PCDHGB7: variants seen among roughly 807,000 people sequenced by gnomAD.
PCDHGB7 encodes the protein protocadherin gamma-B7.
In PCDHGB7, 37 loss-of-function variants were observed where a neutral mutation model predicts 61.4. The observed-to-expected ratio is 0.60, with a 90% CI of 0.46 to 0.79. PCDHGB7 has a LOEUF of 0.79. PCDHGB7 is among the 30% of genes least tolerant of loss of function. PCDHGB7 has a pLI of 0.00. For synonymous variants in PCDHGB7, 464 were observed against 503.5 expected (o/e 0.92, Z 1.05); for missense variants, 1,166 against 1,202.5 (o/e 0.97, Z 0.45).
Position 141,485,060 on chromosome 5 carries a change from G to T in PCDHGB7, c.2416-9747G>T. The T allele has an allele frequency of 1.2e-6, 1 of 862,304 alleles. No individual in the cohort carries two copies. 53.4% of individuals were successfully genotyped at this position (862,304 alleles called of 1,614,324 possible). ...ACCCTTGCGGCGCCGGCCGAACCGC[G>T]CCAGAGCTGGCGCGGGGAAAGGGAG... On this transcript the variant is annotated intron_variant, in intron 1 of 3. Coordinates refer to ENST00000398594, the MANE Select transcript of PCDHGB7 (RefSeq NM_018927.4). The surrounding 1 kb of genome is among the most constrained non-coding windows in gnomAD (Gnocchi z 5.7).
Position 141,486,000 on chromosome 5 carries a change from A to G in PCDHGB7, c.2416-8807A>G. 1 of 1,614,194 alleles carries G rather than the reference A, an allele frequency of 6.2e-7. No individual in the cohort carries two copies. Among genetic ancestry groups the G allele is most frequent in the Non-Finnish European group, 8.5e-7 (1 of 1,180,034 alleles). On this transcript the variant is annotated intron_variant, in intron 1 of 3. Transcript: ENST00000398594. The surrounding 1 kb of genome is among the most constrained non-coding windows in gnomAD (Gnocchi z 5.7). ...GACCCGGACCTGGGTCCCAGTGGTA[A>G]CGTCACCTTTTATTTCAGTGGTCAT...
chr5:141,441,891 G>A, intron 1 of PCDHGB7: 1 of 348,040 alleles, frequency 2.9e-6, no homozygotes, highest in East Asian at 9.1e-5. Flanking sequence ...TCACCAAGGT[G>A]GTGGCTGTAG....
At chr5:141,495,437 C>T (rs2099761356) in intron 2 of PCDHGB7, among the ~76,000 whole-genome samples, 1 of 152,178 alleles carries the variant, frequency 6.6e-6, no homozygotes, top group East Asian at 1.9e-4. Flanking sequence ...GTCCTCTGCC[C>T]CTACTTGTCC....
At chr5:141,421,473 C>G (rs907282414) in intron 1 of PCDHGB7, 14 of 1,614,112 alleles carry the variant, frequency 8.7e-6, no homozygotes, top group African/African-American at 1.3e-5. Flanking sequence ...ATCCGCGAAG[C>G]GGCAGCTTGA....
At chr5:141,472,980 C>CAA (rs60579131) in intron 1 of PCDHGB7, among the ~76,000 whole-genome samples, 188 of 86,094 alleles carry the variant, frequency 2.2e-3, no homozygotes, top group Non-Finnish European at 3.2e-3. Flanking sequence ...GAGTGAAACT[C>CAA]AAAAAAAAAA....
intron 3 of PCDHGB7, among the ~76,000 whole-genome samples, chr5:141,509,056 G>A (rs1303823294): frequency 1.3e-5 from 2 of 152,178 alleles, no homozygotes; most frequent in Admixed American, 6.5e-5. Context: ...CCCCCAGAAA[G>A]CTCTCAGCTC....
intron 1 of PCDHGB7, among the ~76,000 whole-genome samples, chr5:141,443,787 A>C (rs957552086): frequency 3.3e-5 from 5 of 152,222 alleles, no homozygotes; most frequent in African/African-American, 1.2e-4. Flanking sequence ...AAGACAAAAA[A>C]AATGAAAAGG....
chr5:141,451,582 T>C (rs1361047985), intron 1 of PCDHGB7, among the ~76,000 whole-genome samples: 1 of 152,012 alleles, frequency 6.6e-6, no homozygotes, highest in Non-Finnish European at 1.5e-5. Flanking sequence ...TAAACCTAAT[T>C]TTGAAAGTGA....
rs762910422 is a variant in PCDHGB7, at chr5:141,485,747, C to T, written c.2416-9060C>T. ...GAAGCGCAGCGACGGCAGCCTGGTCCCAGAGCTGCTCCTGGAGAAGCCTTT... is the reference window on the plus strand; with the variant it reads ...GAAGCGCAGCGACGGCAGCCTGGTCTCAGAGCTGCTCCTGGAGAAGCCTTT... On this transcript the variant is annotated intron_variant, in intron 1 of 3. Coordinates refer to ENST00000398594, the MANE Select transcript of PCDHGB7 (RefSeq NM_018927.4). This position sits in a 1 kb window ranked among gnomAD's most constrained non-coding sequence, Gnocchi z 5.7. 1 of 1,614,162 alleles carries T rather than the reference C, an allele frequency of 6.2e-7. No individual in the cohort carries two copies.
intron 1 of PCDHGB7, among the ~76,000 whole-genome samples, chr5:141,443,035 CTT>C (rs2098359592): frequency 6.6e-6 from 1 of 152,208 alleles, no homozygotes; most frequent in African/African-American, 2.4e-5. Context: ...CAGACCTAAA[CTT>C]TGAAAATTAT....
intron 1 of PCDHGB7, among the ~76,000 whole-genome samples, chr5:141,484,321 G>A (rs2099594762): frequency 6.6e-6 from 1 of 152,124 alleles, no homozygotes; most frequent in Non-Finnish European, 1.5e-5. Flanking sequence ...CTTCCATACT[G>A]TCCTTGAAAT....
chr5:141,480,730 G>A (rs1261461187), intron 1 of PCDHGB7, among the ~76,000 whole-genome samples: 1 of 152,168 alleles, frequency 6.6e-6, no homozygotes, highest in East Asian at 1.9e-4. Flanking sequence ...GTCTCTGGGG[G>A]TGGGACATAG....
Position 141,421,724 on chromosome 5 carries a change from A to G in PCDHGB7, c.2415+1450A>G, listed in dbSNP as rs541532003. On this transcript the variant is annotated intron_variant, in intron 1 of 3. Transcript: ENST00000398594. ...GCTAGGGATCCAGATGTGGGCGTGA[A>G]CTCCCTCCAGAGCTACCAGCTCAGC... 250 of 1,613,766 alleles carry G rather than the reference A, an allele frequency of 1.5e-4. 5 individuals are homozygous for G. The South Asian group carries it at 2.6e-3, about 17-fold the overall frequency.
intron 1 of PCDHGB7, among the ~76,000 whole-genome samples, chr5:141,472,405 G>A (rs1207849470): frequency 6.6e-6 from 1 of 152,086 alleles, no homozygotes; most frequent in Non-Finnish European, 1.5e-5. Flanking sequence ...GCCAGGCGTG[G>A]TGGCACGCAC....
At chr5:141,443,109 C>A (rs373919534) in intron 1 of PCDHGB7, among the ~76,000 whole-genome samples, 2 of 152,100 alleles carry the variant, frequency 1.3e-5, no homozygotes, top group South Asian at 2.1e-4. Flanking sequence ...CTGAACCTTG[C>A]TTTTCAAACC....
At chr5:141,469,126 A>T (rs2099191838) in intron 1 of PCDHGB7, among the ~76,000 whole-genome samples, 1 of 151,470 alleles carries the variant, frequency 6.6e-6, no homozygotes, top group African/African-American at 2.4e-5. Context: ...AAATTTAAAA[A>T]TTAGCCAGAA....
intron 2 of PCDHGB7, among the ~76,000 whole-genome samples, chr5:141,501,331 ACACC>A (rs747366952): frequency 1.4e-5 from 2 of 138,844 alleles, no homozygotes; most frequent in Non-Finnish European, 3.2e-5. Context: ...ACACACACAC[ACACC>A]CCAAACTCAA....
rs374200575 is a variant in PCDHGB7, at chr5:141,432,105, C to T, written c.2415+11831C>T. On this transcript the variant is annotated intron_variant, in intron 1 of 3. Transcript: ENST00000398594. The surrounding 1 kb of genome is among the most constrained non-coding windows in gnomAD (Gnocchi z 6.0). ...AACGTGGCAGACACCAACGACAACC[C>T]GCCGGTCTTCCCTCAGGCCTCCTAT... 1.9e-6 allele frequency: 3 copies of T among 1,614,172 alleles called. No homozygotes were observed. Among genetic ancestry groups the T allele is most frequent in the Admixed American group, 3.3e-5 (2 of 60,032 alleles).
intron 1 of PCDHGB7, among the ~76,000 whole-genome samples, chr5:141,447,321 G>C (rs148203274): frequency 3.9e-5 from 6 of 152,068 alleles, no homozygotes; most frequent in Admixed American, 6.5e-5. Flanking sequence ...TGTATTTTTA[G>C]TAGAGACGGG....
Sources: allele counts gnomAD v4.1 joint callset (sites outside exome capture counted in the v4.1 genomes callset), GRCh38; gene constraint gnomAD v4.1.1; non-coding constraint Gnocchi (gnomAD v3.1); transcripts MANE v1.5; gene names NCBI Gene and HGNC (gene_info 2026-07-23, HGNC 2026-07-21).